Variants in STUM observed in about 807,000 individuals in gnomAD.
STUM encodes the protein protein stum homolog.
Under a neutral mutation model 15.3 loss-of-function variants are expected in STUM, and 8 were observed. The ratio of observed to expected loss-of-function variants is 0.52; its 90% CI spans 0.31 to 0.94. The LOEUF (loss-of-function observed/expected upper bound fraction) is 0.94. STUM is among the 40% of genes least tolerant of loss of function. The pLI, the probability that STUM is intolerant of heterozygous loss-of-function variation, is 0.05. For synonymous variants in STUM, 78 were observed against 88.7 expected (o/e 0.88, Z 0.68); for missense variants, 142 against 204.9 (o/e 0.69, Z 1.87).
intron 1 of STUM, among the ~76,000 whole-genome samples, chr1:226,594,778 C>T (rs1668150137): frequency 6.6e-6 from 1 of 152,206 alleles, no homozygotes; most frequent in South Asian, 2.1e-4. Flanking sequence ...CCTCAGCCTC[C>T]TGAGAAGCTG....
intron 1 of STUM, among the ~76,000 whole-genome samples, chr1:226,584,902 T>C (rs1667973072): frequency 6.6e-6 from 1 of 152,206 alleles, no homozygotes; most frequent in Non-Finnish European, 1.5e-5. Flanking sequence ...GAATTTGTTT[T>C]TGAAAAAAGA....
intron 1 of STUM, among the ~76,000 whole-genome samples, chr1:226,563,006 G>C (rs376481618): frequency 6.6e-5 from 10 of 152,308 alleles, no homozygotes; most frequent in African/African-American, 1.9e-4. Flanking sequence ...AAATGGTTCA[G>C]AAAGAAACAA....
intron 1 of STUM, among the ~76,000 whole-genome samples, chr1:226,556,332 A>G (rs2102686050): frequency 6.6e-6 from 1 of 152,318 alleles, no homozygotes; most frequent in East Asian, 1.9e-4. Flanking sequence ...CACAAAGTCA[A>G]AGAAGATGTG....
intron 3 of STUM, among the ~76,000 whole-genome samples, chr1:226,601,538 G>A (rs1277247864): frequency 1.3e-5 from 2 of 152,110 alleles, no homozygotes; most frequent in Non-Finnish European, 2.9e-5. Flanking sequence ...CTTTCCTGCC[G>A]TAACCGTCCA....
chr1:226,563,531 C>A (rs1667574709), intron 1 of STUM, among the ~76,000 whole-genome samples: 1 of 152,250 alleles, frequency 6.6e-6, no homozygotes, highest in African/African-American at 2.4e-5. Context: ...GGTCATTGTG[C>A]ACACCCAATT....
rs562081189 is a variant in STUM, at chr1:226,565,413, G to T, written c.202+16307G>T. On this transcript the variant is annotated intron_variant, in intron 1 of 3. Coordinates refer to ENST00000366788, the MANE Select transcript of STUM (RefSeq NM_001003665.4). This position sits in a 1 kb window ranked among gnomAD's most constrained non-coding sequence, Gnocchi z 4.4. ...TTTTTAGCACCCCTGACTAGACTGT[G>T]GGGTCCTGAACCACCAGCCTTGGCA... Among the ~76,000 whole-genome samples, 8 of 152,288 alleles carry T rather than the reference G, an allele frequency of 5.3e-5. No homozygotes were observed. The highest frequency in any genetic ancestry group is 1.7e-4 in the African/African-American group (7 of 41,542).
At chr1:226,560,450 A>G (rs560634890) in intron 1 of STUM, among the ~76,000 whole-genome samples, 3 of 152,242 alleles carry the variant, frequency 2.0e-5, no homozygotes, top group Admixed American at 6.5e-5. Flanking sequence ...CCTCCAGGCT[A>G]TGGAACATTG....
chr1:226,575,784 A>G (rs1477742360), intron 1 of STUM, among the ~76,000 whole-genome samples: 3 of 152,220 alleles, frequency 2.0e-5, no homozygotes, highest in East Asian at 3.9e-4. Flanking sequence ...CCACCAAAAT[A>G]TCAAAGGCAA....
chr1:226,552,028 G>A lies in STUM; in HGVS notation c.202+2922G>A, dbSNP rs189234053. Among the ~76,000 whole-genome samples, 10 of 152,258 alleles carry A rather than the reference G, an allele frequency of 6.6e-5. No homozygotes were observed. The highest frequency in any genetic ancestry group is 4.6e-4 in the Admixed American group (7 of 15,300). ...CTTCCTTCCCTGCAAGTCCTCTCCT[G>A]GATTGCAGATTGGATGAGAGGGCAG... On this transcript the variant is annotated intron_variant, in intron 1 of 3. Transcript: ENST00000366788. This position sits in a 1 kb window ranked among gnomAD's most constrained non-coding sequence, Gnocchi z 4.7.
chr1:226,577,578 A>G (rs1667838902), intron 1 of STUM, among the ~76,000 whole-genome samples: 1 of 152,116 alleles, frequency 6.6e-6, no homozygotes, highest in Admixed American at 6.5e-5. Flanking sequence ...ACTGATGATG[A>G]TGGCTGAAAG....
intron 1 of STUM, among the ~76,000 whole-genome samples, chr1:226,570,187 A>G (rs1298380645): frequency 1.3e-5 from 2 of 152,154 alleles, no homozygotes; most frequent in East Asian, 1.9e-4. Flanking sequence ...CTGGGTAAGC[A>G]GAACAGTCAG....
intron 1 of STUM, among the ~76,000 whole-genome samples, chr1:226,555,096 A>G (rs1028975449): frequency 1.3e-5 from 2 of 151,800 alleles, no homozygotes; most frequent in Non-Finnish European, 2.9e-5. Context: ...ACTCCCTCCT[A>G]GTTTTCTTTT....
In STUM at chr1:226,602,420, C is replaced by A; in HGVS notation, c.*380C>A. On this transcript the variant is annotated 3_prime_UTR_variant, in exon 4 of 4. Coordinates refer to ENST00000366788, the MANE Select transcript of STUM (RefSeq NM_001003665.4). ...CCACACCGGGCCCTGTCTGGGTGAG[C>A]AGGGGCTCACCAAGGGGACAGGACT... 1 of 253,188 alleles carries A rather than the reference C, an allele frequency of 3.9e-6. No individual in the cohort carries two copies. The highest frequency in any genetic ancestry group is 6.1e-5 in the South Asian group (1 of 16,436). The allele number at this position is 253,188 out of a possible 1,614,324, so 15.7% of individuals were successfully genotyped here.
chr1:226,597,056 T>A, intron 2 of STUM, 75 bp downstream of exon 2: 1 of 1,424,440 alleles, frequency 7.0e-7, no homozygotes. Context: ...GAGACCTTCA[T>A]GTCTGGCCGA....
In STUM at chr1:226,606,332, C is replaced by T. The variant is rs1352185634; in HGVS notation, c.*4292C>T. ...CTTCCCTGCCCAGATGCCTGCAATTCTGAGAATTCACTTCAGTTTTGCCAG... is the reference window on the plus strand; with the variant it reads ...CTTCCCTGCCCAGATGCCTGCAATTTTGAGAATTCACTTCAGTTTTGCCAG... On this transcript the variant is annotated 3_prime_UTR_variant, in exon 4 of 4. Coordinates refer to ENST00000366788, the MANE Select transcript of STUM (RefSeq NM_001003665.4). 6.6e-6 allele frequency: 1 copy of T among 152,272 alleles called. No homozygotes were observed. Among genetic ancestry groups the T allele is most frequent in the East Asian group, 1.9e-4 (1 of 5,192 alleles). 9.4% of individuals were successfully genotyped at this position (152,272 alleles called of 1,614,324 possible).
chr1:226,585,291 A>ATTC (rs1191366985), intron 1 of STUM, among the ~76,000 whole-genome samples: 3 of 152,328 alleles, frequency 2.0e-5, no homozygotes, highest in African/African-American at 7.2e-5. Context: ...GTCTGCCAAG[A>ATTC]TTCTGCTCCA....
chr1:226,572,438 C>T (rs975872150), intron 1 of STUM, among the ~76,000 whole-genome samples: 4 of 152,164 alleles, frequency 2.6e-5, no homozygotes, highest in African/African-American at 4.8e-5. Flanking sequence ...CCAGGAAACC[C>T]GAGGTGGGAG....
At chr1:226,582,319 G>A (rs543610120) in intron 1 of STUM, among the ~76,000 whole-genome samples, 2 of 152,150 alleles carry the variant, frequency 1.3e-5, no homozygotes, top group East Asian at 1.9e-4. Flanking sequence ...TGGGCTGGGC[G>A]CAGTGGCTCA....
rs1490007820 is a variant in STUM at position 226,574,009 on chromosome 1, T to G, written c.203-22793T>G. ...ACCACCATGTGCTGCTAATTTTTTG[T>G]ATTTTTAGTAGAGATGGGGTTTTAC... On this transcript the variant is annotated intron_variant, in intron 1 of 3. Transcript: ENST00000366788. Among the ~76,000 whole-genome samples, 5 of 152,170 alleles carry G rather than the reference T, an allele frequency of 3.3e-5. No individual in the cohort carries two copies. In the East Asian group the frequency reaches 9.6e-4, roughly 29 times the overall value.
Sources: gnomAD v4.1 joint callset for allele counts (sites outside exome capture counted in the v4.1 genomes callset) on GRCh38, gnomAD v4.1.1 for gene constraint, Gnocchi (gnomAD v3.1) non-coding constraint, MANE v1.5 for transcripts, NCBI Gene and HGNC (gene_info 2026-07-23, HGNC 2026-07-21) for gene names.